DCP1B: variants seen among roughly 807,000 people sequenced by gnomAD.
DCP1B encodes mRNA-decapping enzyme 1B.
A neutral mutation model predicts 60.5 loss-of-function variants in DCP1B; 47 were observed. The observed-to-expected ratio is 0.78, with a 90% CI of 0.61 to 0.99. DCP1B has a LOEUF of 0.99. DCP1B is among the 50% of genes least tolerant of loss of function. The pLI, the probability that DCP1B is intolerant of heterozygous loss-of-function variation, is 0.00. For missense variants in DCP1B, 725 were observed against 756.8 expected, an observed-to-expected ratio of 0.96 and a Z score of 0.49; for synonymous variants, 267 against 280.3, an observed-to-expected ratio of 0.95 and a Z score of 0.47.
downstream of DCP1B, among the ~76,000 whole-genome samples, chr12:1,945,084 C>T (rs7953417): frequency 9.0e-3 from 1,371 of 152,094 alleles, 23 homozygotes; most frequent in African/African-American, 0.032. Flanking sequence ...AACAAATTTA[C>T]AAGAAAAAAA....
At chr12:1,958,847 G>T (rs1184501177) in intron 5 of DCP1B, among the ~76,000 whole-genome samples, 1 of 68,608 alleles carries the variant, frequency 1.5e-5, no homozygotes, top group African/African-American at 7.9e-5. Flanking sequence ...GCTCCCCAAC[G>T]TCGCTTTGGG....
chr12:1,972,600 A>C lies in DCP1B; in HGVS notation c.320-4690T>G, dbSNP rs148719801. ...ATCTGTGGTCTAACAAGGTTAAATA[A>C]GCTAGCCAAAGTCATTTTTCTTGGT... is the stretch of plus-strand genomic sequence containing the variant. On this transcript the variant is annotated intron_variant, in intron 3 of 8. Coordinates refer to ENST00000280665, the MANE Select transcript of DCP1B (RefSeq NM_152640.5). Among the ~76,000 whole-genome samples the C allele has an allele frequency of 2.5e-3, 380 of 152,352 alleles. 2 individuals carry two copies. The highest frequency in any genetic ancestry group is 7.9e-3 in the African/African-American group (330 of 41,580).
chr12:2,000,145 A>G (rs2041861038), intron 1 of DCP1B, among the ~76,000 whole-genome samples: 1 of 152,220 alleles, frequency 6.6e-6, no homozygotes, highest in Non-Finnish European at 1.5e-5. Flanking sequence ...CCTAAAGTTT[A>G]ACTGATTCAG....
intron 3 of DCP1B, among the ~76,000 whole-genome samples, chr12:1,984,601 C>T (rs1029297240): frequency 3.3e-5 from 5 of 151,972 alleles, no homozygotes; most frequent in Admixed American, 3.3e-4. Flanking sequence ...TTGCTTTCAA[C>T]AGTCACATGT....
chr12:1,982,478 GTTCTT>G (rs1397548742), intron 3 of DCP1B, among the ~76,000 whole-genome samples: 1 of 152,032 alleles, frequency 6.6e-6, no homozygotes, highest in Non-Finnish European at 1.5e-5. Flanking sequence ...TACAATATTT[GTTCTT>G]TTGTGTCTGG....
At chr12:1,956,500 C>T (rs935200633) in intron 5 of DCP1B, among the ~76,000 whole-genome samples, 3 of 152,202 alleles carry the variant, frequency 2.0e-5, no homozygotes, top group East Asian at 1.9e-4. Context: ...TCTAATCCAA[C>T]GATCTGGGGG....
At chr12:1,970,228 G>A (rs967369788) in intron 3 of DCP1B, among the ~76,000 whole-genome samples, 7 of 152,160 alleles carry the variant, frequency 4.6e-5, no homozygotes, top group African/African-American at 1.4e-4. Flanking sequence ...TCTTTCAAAT[G>A]TCAAAGCAAA....
At chr12:1,972,941 G>A (rs557469920) in intron 3 of DCP1B, among the ~76,000 whole-genome samples, 1 of 152,324 alleles carries the variant, frequency 6.6e-6, no homozygotes, top group African/African-American at 2.4e-5. Flanking sequence ...CAATGACGCT[G>A]CCTGTGTGCT....
intron 8 of DCP1B, among the ~76,000 whole-genome samples, chr12:1,947,333 C>CA (rs1398559748): frequency 6.6e-6 from 1 of 152,192 alleles, no homozygotes; most frequent in Non-Finnish European, 1.5e-5. Flanking sequence ...ACAGATTTAG[C>CA]ATCATTCTCA....
chr12:1,970,283 A>G (rs768935633), intron 3 of DCP1B, among the ~76,000 whole-genome samples: 6 of 152,230 alleles, frequency 3.9e-5, no homozygotes, highest in Non-Finnish European at 8.8e-5. Context: ...AGACATCGTG[A>G]AGACTTCTTT....
At chr12:1,979,558 C>T (rs545464921) in intron 3 of DCP1B, among the ~76,000 whole-genome samples, 69 of 152,030 alleles carry the variant, frequency 4.5e-4, no homozygotes, top group South Asian at 6.3e-4. Flanking sequence ...GTGATCCGCC[C>T]GCCTCAGCCT....
intron 2 of DCP1B, among the ~76,000 whole-genome samples, chr12:1,994,394 C>T (rs1018872966): frequency 1.3e-5 from 2 of 152,244 alleles, no homozygotes; most frequent in African/African-American, 4.8e-5. Context: ...TCAAGGAACA[C>T]AGCTACATAA....
chr12:1,988,156 A>G (rs1417618427), intron 3 of DCP1B, among the ~76,000 whole-genome samples: 1 of 152,180 alleles, frequency 6.6e-6, no homozygotes. Flanking sequence ...AATGACACCA[A>G]AATCTCAATG....
At chr12:1,959,701 T>G (rs1253707170) in intron 5 of DCP1B, among the ~76,000 whole-genome samples, 1 of 152,228 alleles carries the variant, frequency 6.6e-6, no homozygotes, top group East Asian at 1.9e-4. Flanking sequence ...GGCTCACGCC[T>G]GTAATCCCAG....
intron 6 of DCP1B, among the ~76,000 whole-genome samples, chr12:1,954,156 C>G (rs527238148): frequency 6.7e-6 from 1 of 149,876 alleles, no homozygotes; most frequent in South Asian, 2.1e-4. Flanking sequence ...CACTCCAGCC[C>G]GGGTAACAGG....
chr12:1,987,490 T>C (rs140205616), intron 3 of DCP1B, among the ~76,000 whole-genome samples: 91 of 152,350 alleles, frequency 6.0e-4, no homozygotes, highest in African/African-American at 1.7e-3. Flanking sequence ...GTGAACTTCA[T>C]AGCAAATAGA....
chr12:1,984,291 T>C (rs982620713), intron 3 of DCP1B, among the ~76,000 whole-genome samples: 2 of 152,116 alleles, frequency 1.3e-5, no homozygotes, highest in African/African-American at 4.8e-5. Flanking sequence ...ATGTTTGTCA[T>C]GTTTTTTGCT....
chr12:1,984,697 C>T (rs2154468973), intron 3 of DCP1B, among the ~76,000 whole-genome samples: 1 of 147,438 alleles, frequency 6.8e-6, no homozygotes, highest in South Asian at 2.1e-4. Context: ...CTTCATCCTG[C>T]AATTCCAGCT....
In DCP1B at chr12:1,952,951, C is replaced by G. The variant is rs1433678546; in HGVS notation, c.989G>C (p.Gly330Ala). Residue 330 changes from glycine to alanine, a missense_variant, in exon 7 of 9, where the codon GGA becomes GCA. Coordinates refer to ENST00000280665, the MANE Select transcript of DCP1B (RefSeq NM_152640.5). ...GTGAGGAGACCCTGGCTGGACAGGT[C>G]CTGTAAAAAATTCTCCCGCAGAATG... is the stretch of plus-strand genomic sequence containing the variant. Reference protein sequence around the residue: ...STHSAGEFFTGPVQPGSPHNI... With the variant: ...STHSAGEFFTAPVQPGSPHNI... 2 of 1,614,104 alleles carry G rather than the reference C, an allele frequency of 1.2e-6. No individual in the cohort carries two copies. Among genetic ancestry groups the G allele is most frequent in the Admixed American group, 1.7e-5 (1 of 60,020 alleles).
Sources: allele counts gnomAD v4.1 joint callset (sites outside exome capture counted in the v4.1 genomes callset), GRCh38; gene constraint gnomAD v4.1.1; transcripts MANE v1.5; gene names NCBI Gene and HGNC (gene_info 2026-07-23, HGNC 2026-07-21).